The following ZFYVE9 variants were observed in gnomAD, a reference collection of about 807,000 sequenced individuals.
ZFYVE9 encodes zinc finger FYVE-type containing 9, also known as zinc finger FYVE domain-containing protein 9.
In ZFYVE9, 43 loss-of-function variants were observed where a neutral mutation model predicts 126.7. That is an observed-to-expected ratio of 0.34 (90% CI 0.27 to 0.44). The LOEUF (loss-of-function observed/expected upper bound fraction) is 0.44. ZFYVE9 is among the 20% of genes least tolerant of loss of function. The pLI, the probability that ZFYVE9 is intolerant of heterozygous loss-of-function variation, is 1.00. For missense variants in ZFYVE9, 1,476 were observed against 1,697.0 expected (o/e 0.87, Z 2.29); for synonymous variants, 521 against 597.4 (o/e 0.87, Z 1.87).
At chr1:52,225,172 A>T (rs1029186251) in intron 2 of ZFYVE9, among the ~76,000 whole-genome samples, 15 of 152,210 alleles carry the variant, frequency 9.9e-5, no homozygotes, top group Non-Finnish European at 2.2e-4. Flanking sequence ...GCACAGAGTT[A>T]TCTGGTCACT....
At chr1:52,242,395 T>C (rs1502689) in intron 4 of ZFYVE9, among the ~76,000 whole-genome samples, 36,015 of 152,100 alleles carry the variant, frequency 0.24, 8,352 homozygotes, top group African/African-American at 0.61. Context: ...TTTGTTTTTG[T>C]AATTCAGTTC....
chr1:52,225,259 G>A (rs1180034961), intron 2 of ZFYVE9, among the ~76,000 whole-genome samples: 2 of 152,222 alleles, frequency 1.3e-5, no homozygotes, highest in East Asian at 3.9e-4. Flanking sequence ...GGCGAGATTC[G>A]ATCCTCCACT....
intron 7 of ZFYVE9, among the ~76,000 whole-genome samples, chr1:52,269,426 T>A (rs1645666758): frequency 6.6e-6 from 1 of 152,110 alleles, no homozygotes; most frequent in Non-Finnish European, 1.5e-5. Context: ...CACCACACCC[T>A]ATCAGGATTG....
chr1:52,201,091 A>G (rs956483789), intron 1 of ZFYVE9, among the ~76,000 whole-genome samples: 1 of 152,218 alleles, frequency 6.6e-6, no homozygotes, highest in African/African-American at 2.4e-5. Flanking sequence ...ACATCTTGAC[A>G]ATATTAAGTC....
intron 1 of ZFYVE9, among the ~76,000 whole-genome samples, chr1:52,199,126 C>T (rs1453014290): frequency 6.7e-6 from 1 of 150,282 alleles, no homozygotes; most frequent in Middle Eastern, 3.5e-3. Context: ...AGTGCTGTGG[C>T]GCGATCTCGA....
At chr1:52,160,923 A>G (rs1168424133) in intron 1 of ZFYVE9, among the ~76,000 whole-genome samples, 2 of 152,234 alleles carry the variant, frequency 1.3e-5, no homozygotes, top group Non-Finnish European at 2.9e-5. Context: ...AGCATAGAAC[A>G]TGATAATCCC....
chr1:52,222,869 C>G (rs1179011287), intron 2 of ZFYVE9, among the ~76,000 whole-genome samples: 3 of 152,200 alleles, frequency 2.0e-5, no homozygotes, highest in African/African-American at 7.2e-5. Flanking sequence ...TAAGTCCCTT[C>G]CTAATAAATT....
At chr1:52,226,772 C>A (rs1271549344) in intron 2 of ZFYVE9, among the ~76,000 whole-genome samples, 1 of 152,190 alleles carries the variant, frequency 6.6e-6, no homozygotes, top group Non-Finnish European at 1.5e-5. Flanking sequence ...CGGGACAATT[C>A]AAAGCAAAGG....
At chr1:52,197,282 G>A (rs1481612731) in intron 1 of ZFYVE9, among the ~76,000 whole-genome samples, 1 of 152,126 alleles carries the variant, frequency 6.6e-6, no homozygotes, top group Non-Finnish European at 1.5e-5. Flanking sequence ...GTGAACAACT[G>A]GGTAGATGAT....
intron 13 of ZFYVE9, among the ~76,000 whole-genome samples, 162 bp from the exon 14 acceptor site, chr1:52,332,606 T>TA (rs1181544752): frequency 6.6e-6 from 1 of 152,246 alleles, no homozygotes; most frequent in Non-Finnish European, 1.5e-5. Flanking sequence ...ATTGATTTGT[T>TA]AATGGTGACA....
At chr1:52,221,258 C>T (rs560502176) in intron 2 of ZFYVE9, among the ~76,000 whole-genome samples, 8 of 152,254 alleles carry the variant, frequency 5.3e-5, no homozygotes, top group East Asian at 1.9e-4. Flanking sequence ...CTTTTTCCTT[C>T]AATGATCCGG....
chr1:52,197,888 C>T (rs1486095360), intron 1 of ZFYVE9, among the ~76,000 whole-genome samples: 1 of 152,086 alleles, frequency 6.6e-6, no homozygotes, highest in Non-Finnish European at 1.5e-5. Context: ...GTGAAGGGTT[C>T]ACTGTTTGAA....
chr1:52,327,182 T>C (rs1381422686), intron 13 of ZFYVE9, among the ~76,000 whole-genome samples: 2 of 151,696 alleles, frequency 1.3e-5, no homozygotes, highest in Non-Finnish European at 2.9e-5. Flanking sequence ...ACAAAAATAC[T>C]GTTGGTCTTG....
chr1:52,263,347 TAACA>T (rs561463998), intron 4 of ZFYVE9, among the ~76,000 whole-genome samples: 53 of 152,310 alleles, frequency 3.5e-4, no homozygotes, highest in South Asian at 1.4e-3. Context: ...ATAAGGATAG[TAACA>T]AACAGAAGTT....
At chr1:52,149,612 G>C (rs949333842) in intron 1 of ZFYVE9, among the ~76,000 whole-genome samples, 1 of 152,080 alleles carries the variant, frequency 6.6e-6, no homozygotes, top group East Asian at 1.9e-4. Flanking sequence ...AATATTACCC[G>C]ATGTTTTGGT....
intron 1 of ZFYVE9, chr1:52,162,299 C>T (rs1266608735): frequency 5.1e-6 from 2 of 391,082 alleles, no homozygotes; most frequent in African/African-American, 2.1e-5. Context: ...GTCATATCCA[C>T]GATGATATCC....
intron 1 of ZFYVE9, among the ~76,000 whole-genome samples, chr1:52,147,161 G>A (rs1644313268): frequency 6.6e-6 from 1 of 152,132 alleles, no homozygotes; most frequent in African/African-American, 2.4e-5. Context: ...TGTCCCAAAT[G>A]CTTCTGGTTC....
At chr1:52,336,112 C>T (rs1425762288) in intron 15 of ZFYVE9, among the ~76,000 whole-genome samples, 9 of 150,444 alleles carry the variant, frequency 6.0e-5, no homozygotes, top group South Asian at 4.2e-4. Flanking sequence ...CCAGCCTGGG[C>T]GACAGAGTGA....
intron 4 of ZFYVE9, among the ~76,000 whole-genome samples, chr1:52,240,657 T>G (rs977422708): frequency 6.6e-6 from 1 of 152,186 alleles, no homozygotes; most frequent in African/African-American, 2.4e-5. Flanking sequence ...TCTCTCGGTC[T>G]TCCCCTCATG....
Sources: allele counts gnomAD v4.1 joint callset (sites outside exome capture counted in the v4.1 genomes callset), GRCh38; gene constraint gnomAD v4.1.1; transcripts MANE v1.5; gene names NCBI Gene and HGNC (gene_info 2026-07-23, HGNC 2026-07-21).